Variants in NUMA1 observed in about 807,000 individuals in gnomAD.
NUMA1 encodes the protein nuclear mitotic apparatus protein 1.
NUMA1 carries 62 observed loss-of-function variants against 237.1 expected under a neutral mutation model. The ratio of observed to expected loss-of-function variants is 0.26; its 90% CI spans 0.21 to 0.32. The LOEUF (loss-of-function observed/expected upper bound fraction) is 0.32. NUMA1 is among the 10% of genes least tolerant of loss of function. NUMA1 has a pLI of 1.00. For synonymous variants in NUMA1, 1,028 were observed against 1,066.1 expected (o/e 0.96, Z 0.70); for missense variants, 2,533 against 2,666.5 (o/e 0.95, Z 1.10).
rs1940961418 is a variant in NUMA1 at position 72,035,828 on chromosome 11, T to C, written c.42+74A>G. On this transcript the variant is annotated intron_variant, in intron 3 of 26. Coordinates refer to ENST00000393695, the MANE Select transcript of NUMA1 (RefSeq NM_006185.4). ...GAAGACTTTACATAGCCCTGGCTCC[T>C]ACAAAACTCCTCTCCTAACTCTCTC... The C allele has an allele frequency of 2.1e-6, 3 of 1,422,782 alleles. No individual in the cohort carries two copies. The Admixed American group carries it at 5.0e-5, about 24-fold the overall frequency. 88.1% of individuals were successfully genotyped at this position (1,422,782 alleles called of 1,614,324 possible).
At position 72,006,210 on chromosome 11, in the gene NUMA1, C is replaced by T; in HGVS notation, c.5517G>A (p.Arg1839=). Residue 1839 remains arginine (R), a synonymous_variant, in exon 22 of 27, where the codon CGG becomes CGA. Transcript: ENST00000393695. ...DSANSSFYST[R]SAPASQASLR... Reference sequence around the variant, plus strand: ...GGCTAGCCTGGGAAGCAGGAGCAGACCGCGTGCTGTAGAACGATGAGTTGG... The same window carrying T: ...GGCTAGCCTGGGAAGCAGGAGCAGATCGCGTGCTGTAGAACGATGAGTTGG... 1 of 1,614,144 alleles carries T rather than the reference C, an allele frequency of 6.2e-7. No homozygotes were observed. The highest frequency in any genetic ancestry group is 1.3e-5 in the African/African-American group (1 of 75,054).
At chr11:72,016,798 G>A (rs776216850) in intron 13 of NUMA1, 32 of 419,560 alleles carry the variant, frequency 7.6e-5, no homozygotes, top group Admixed American at 2.5e-4. Context: ...TTTCCTTACC[G>A]TATACCCTTC....
At chr11:72,008,583 T>C (rs1368028281) in intron 20 of NUMA1, 105 bp downstream of exon 20, 1 of 1,300,508 alleles carries the variant, frequency 7.7e-7, no homozygotes, top group East Asian at 2.4e-5. Flanking sequence ...GTTATTCTTC[T>C]CTAAGAATAA....
chr11:72,029,352 C>T, intron 3 of NUMA1, 62 bp from the exon 4 acceptor site: 1 of 1,058,188 alleles, frequency 9.5e-7, no homozygotes, highest in Non-Finnish European at 1.4e-6. Flanking sequence ...GCTCCTTTTC[C>T]CAGAGGCTTA....
At chr11:72,033,141 C>A (rs1464944539) in intron 3 of NUMA1, among the ~76,000 whole-genome samples, 2 of 152,176 alleles carry the variant, frequency 1.3e-5, no homozygotes, top group Non-Finnish European at 2.9e-5. Context: ...TGAAAACATT[C>A]TCTATACTAT....
At chr11:72,057,019 A>G (rs1942691662) in intron 2 of NUMA1, among the ~76,000 whole-genome samples, 1 of 152,134 alleles carries the variant, frequency 6.6e-6, no homozygotes. Context: ...TGACAATTGG[A>G]AGATACTATC....
chr11:72,062,398 G>A (rs1442520262), intron 2 of NUMA1, among the ~76,000 whole-genome samples: 1 of 151,968 alleles, frequency 6.6e-6, no homozygotes. Context: ...AATTTTGAAT[G>A]AGAAATTAAT....
chr11:72,049,561 A>ATATATATATATATATATATATATC (rs1942208310), intron 2 of NUMA1: 1 of 12,698 alleles, frequency 7.9e-5, no homozygotes, highest in African/African-American at 2.0e-4. Context: ...AATAATAATA[A>ATATATATATATATATATATATATC]TATATATATA....
chr11:72,012,723 C>T (rs866715562), intron 15 of NUMA1, among the ~76,000 whole-genome samples, 172 bp downstream of exon 15: 1 of 152,150 alleles, frequency 6.6e-6, no homozygotes, highest in Middle Eastern at 3.2e-3. Flanking sequence ...TTTAGGATGA[C>T]AGGGGCAACA....
intron 2 of NUMA1, among the ~76,000 whole-genome samples, chr11:72,043,228 G>A (rs1019489493): frequency 6.6e-6 from 1 of 152,002 alleles, no homozygotes; most frequent in Non-Finnish European, 1.5e-5. Flanking sequence ...GGTGGGGCAC[G>A]GTGGCTCACG....
At chr11:72,046,623 G>A (rs551196018) in intron 2 of NUMA1, among the ~76,000 whole-genome samples, 1 of 151,756 alleles carries the variant, frequency 6.6e-6, no homozygotes, top group East Asian at 1.9e-4. Context: ...AAGGAACAAA[G>A]GAAGGAAAAG....
chr11:72,014,214 T>G lies in NUMA1; in HGVS notation c.3289A>C (p.Lys1097Gln). The G allele has an allele frequency of 6.2e-7, 1 of 1,614,060 alleles. No individual in the cohort carries two copies. Among genetic ancestry groups the G allele is most frequent in the Non-Finnish European group, 8.5e-7 (1 of 1,180,044 alleles). The change falls in exon 15 of 27, where the codon AAA becomes CAA. Residue 1097 changes from lysine (K) to glutamine (Q), a missense_variant. By Grantham distance (53) the Lys-to-Gln change is moderately conservative. Around this residue, in one of 3 missense-constraint regions of NUMA1, gnomAD observed 1,414 missense variants for 1,508.1 expected, o/e 0.94. Transcript: ENST00000393695. This position sits in a 1 kb window ranked among gnomAD's most constrained non-coding sequence, Gnocchi z 4.6. ...GAGCCAGATGCGTGCTCCTTTTCTT[T>G]CTTAGCCAGCTGTTCCTTCAGTTGC... ...VKQLKEQLAK[K>Q]EKEHASGSGA...
At position 72,017,827 on chromosome 11, in the gene NUMA1, G is replaced by C. The variant is rs1425812996; in HGVS notation, c.979C>G (p.Leu327Val). The change falls in exon 13 of 27, where the codon CTG (leucine) becomes GTG (valine). Residue 327 changes from leucine (L) to valine (V), a missense_variant and splice_region_variant. Coordinates refer to ENST00000393695, the MANE Select transcript of NUMA1 (RefSeq NM_006185.4). ...TGCAGATGACTGGCAAACTCCCGCAGCTGAGACGGGCAAGTGAGAATCCCC... is the reference window on the plus strand; with the variant it reads ...TGCAGATGACTGGCAAACTCCCGCACCTGAGACGGGCAAGTGAGAATCCCC... Reference protein sequence around the residue: ...SEENGDLSFKLREFASHLQQL... With the variant: ...SEENGDLSFKVREFASHLQQL... 1.3e-6 allele frequency: 2 copies of C among 1,590,964 alleles called. No homozygotes were observed. Among genetic ancestry groups the C allele is most frequent in the Admixed American group, 3.4e-5 (2 of 58,396 alleles).
At chr11:72,077,581 G>A (rs1050317745) in intron 1 of NUMA1, among the ~76,000 whole-genome samples, 8 of 152,090 alleles carry the variant, frequency 5.3e-5, no homozygotes, top group African/African-American at 1.9e-4. Context: ...CTGAGAGGCC[G>A]AGGCGGGAGG....
intron 23 of NUMA1, 50 bp downstream of exon 23, chr11:72,005,183 C>CTTG: frequency 6.6e-7 from 1 of 1,521,158 alleles, no homozygotes; most frequent in Non-Finnish European, 8.8e-7. Context: ...AGGTGGGATT[C>CTTG]CAAGGGAGGG....
At chr11:72,022,466 C>T (rs1233126714) in intron 6 of NUMA1, 47 bp from the exon 7 acceptor site, 1 of 1,324,454 alleles carries the variant, frequency 7.6e-7, no homozygotes. Context: ...TGTCTCTCTT[C>T]TCAGTGCCCC....
chr11:72,012,739 G>T (rs761708863), intron 15 of NUMA1, among the ~76,000 whole-genome samples, 156 bp downstream of exon 15: 12 of 152,148 alleles, frequency 7.9e-5, no homozygotes, highest in Non-Finnish European at 1.6e-4. Flanking sequence ...CAACAGACTT[G>T]AACTCCACCA....
At chr11:72,078,236 C>T (rs1943806434) in intron 1 of NUMA1, among the ~76,000 whole-genome samples, 1 of 152,190 alleles carries the variant, frequency 6.6e-6, no homozygotes, top group Admixed American at 6.5e-5. Flanking sequence ...TGGGAATGAT[C>T]TCATTCTAGA....
chr11:72,037,518 TA>T (rs1221382894), intron 2 of NUMA1, among the ~76,000 whole-genome samples: 2 of 150,504 alleles, frequency 1.3e-5, no homozygotes, highest in East Asian at 1.9e-4. Context: ...AAAAAAATAA[TA>T]AAAAAAAAGA....
Sources: allele counts gnomAD v4.1 joint callset (sites outside exome capture counted in the v4.1 genomes callset), GRCh38; gene constraint gnomAD v4.1.1; regional missense constraint gnomAD v4.1.1; non-coding constraint Gnocchi (gnomAD v3.1); transcripts MANE v1.5; gene names NCBI Gene and HGNC (gene_info 2026-07-23, HGNC 2026-07-21).